ARPC1A: variants seen among roughly 807,000 people sequenced by gnomAD.
The protein encoded by ARPC1A is actin-related protein 2/3 complex subunit 1A.
Under a neutral mutation model 46.9 loss-of-function variants are expected in ARPC1A, and 8 were observed. The ratio of observed to expected loss-of-function variants is 0.17; its 90% CI spans 0.10 to 0.31. The LOEUF is 0.31. Ranked by LOEUF, ARPC1A falls within the 10% of genes least tolerant of loss-of-function variation. The pLI is 1.00. For synonymous variants in ARPC1A, 152 were observed against 169.0 expected, an observed-to-expected ratio of 0.90 and a Z score of 0.78; for missense variants, 286 against 483.6, an observed-to-expected ratio of 0.59 and a Z score of 3.83.
chr7:99,365,238 G>A (rs1793815550), intron 9 of ARPC1A, among the ~76,000 whole-genome samples: 2 of 151,926 alleles, frequency 1.3e-5, no homozygotes, highest in African/African-American at 4.8e-5. Context: ...ATCGCTTGAG[G>A]CCAGGAGTTT....
Position 99,325,908 on chromosome 7 carries a change from C to G in ARPC1A, c.-126C>G, listed in dbSNP as rs985919124. 1 of 152,608 alleles carries G rather than the reference C, an allele frequency of 6.6e-6. No individual in the cohort carries two copies. The highest frequency in any genetic ancestry group is 2.4e-5 in the African/African-American group (1 of 41,466). The allele number at this position is 152,608 out of a possible 1,614,324, so 9.5% of individuals were successfully genotyped here. A position where few individuals can be genotyped will look rare whatever the true frequency, so the allele number is the denominator to read the frequency against. On this transcript the variant is annotated 5_prime_UTR_variant, in exon 1 of 10. Transcript: ENST00000262942. ...TCTGTCAGCCGCTCCCTCTGGGCTT[C>G]CGTCCTCCGCCCGCGCCCGACGGAG... is the stretch of plus-strand genomic sequence containing the variant.
At chr7:99,363,720 G>C in intron 9 of ARPC1A, 87 bp downstream of exon 9, 1 of 999,658 alleles carries the variant, frequency 1.0e-6, no homozygotes, top group South Asian at 1.6e-5. Flanking sequence ...CTGTCACCCA[G>C]GTTGGAGTAA....
At chr7:99,345,931 G>A (rs557395720) in intron 4 of ARPC1A, among the ~76,000 whole-genome samples, 9 of 152,132 alleles carry the variant, frequency 5.9e-5, no homozygotes, top group Non-Finnish European at 8.8e-5. Flanking sequence ...ATTGAGTTAT[G>A]GGCCAGGTAC....
At chr7:99,333,457 T>C (rs750584703) in intron 2 of ARPC1A, 40 bp downstream of exon 2, 1 of 1,555,022 alleles carries the variant, frequency 6.4e-7, no homozygotes, top group Non-Finnish European at 8.8e-7. Flanking sequence ...TTTTGGTACC[T>C]TTGGTACATT....
At chr7:99,341,342 T>A (rs1286396724) in intron 3 of ARPC1A, among the ~76,000 whole-genome samples, 3 of 151,792 alleles carry the variant, frequency 2.0e-5, no homozygotes, top group Non-Finnish European at 4.4e-5. Flanking sequence ...GTGCAGTGGC[T>A]CAAGCCTGTA....
intron 4 of ARPC1A, among the ~76,000 whole-genome samples, chr7:99,344,972 C>T (rs1249616330): frequency 9.0e-6 from 1 of 111,624 alleles, no homozygotes; most frequent in Non-Finnish European, 1.7e-5. Context: ...TACTCTGTTG[C>T]CCAGGCTGGA....
intron 4 of ARPC1A, among the ~76,000 whole-genome samples, chr7:99,348,558 T>G (rs1584381431): frequency 6.6e-6 from 1 of 152,204 alleles, no homozygotes; most frequent in East Asian, 1.9e-4. Flanking sequence ...AATACAAAAA[T>G]TAGCCAGTCT....
At position 99,344,294 on chromosome 7, in the gene ARPC1A, T is replaced by C. The variant is rs1229733902; in HGVS notation, c.171T>C (p.Gly57=). ...ELKEHNGHIT[G]IDWAPKSDRI... ...AGATGACCCATGTCTCACTTGCAGG[T>C]ATTGACTGGGCTCCCAAGAGCGACC... The change falls in exon 4 of 10, where the codon GGT becomes GGC. Residue 57 remains glycine (G), a splice_region_variant and synonymous_variant. Coordinates refer to ENST00000262942, the MANE Select transcript of ARPC1A (RefSeq NM_006409.4). 1.9e-6 allele frequency: 3 copies of C among 1,613,956 alleles called. No homozygotes were observed. The Admixed American group carries it at 5.0e-5, about 27-fold the overall frequency.
At chr7:99,338,978 T>C (rs369021461) in intron 3 of ARPC1A, among the ~76,000 whole-genome samples, 1 of 152,172 alleles carries the variant, frequency 6.6e-6, no homozygotes, top group Non-Finnish European at 1.5e-5. Flanking sequence ...AGGAAGACTT[T>C]CCAGAATATT....
chr7:99,359,450 AAAAG>A (rs1793699671), intron 7 of ARPC1A, 91 bp from the exon 8 acceptor site: 2 of 1,282,688 alleles, frequency 1.6e-6, no homozygotes, highest in East Asian at 2.5e-5. Context: ...AAAAAAAAAA[AAAAG>A]AGTAAGAGAG....
chr7:99,342,536 C>A (rs1401121120), intron 3 of ARPC1A, among the ~76,000 whole-genome samples: 1 of 151,382 alleles, frequency 6.6e-6, no homozygotes, highest in Non-Finnish European at 1.5e-5. Context: ...TAAAGTGAGA[C>A]CCTGTCTCAA....
intron 4 of ARPC1A, 89 bp from the exon 5 acceptor site, chr7:99,348,763 A>C: frequency 3.5e-6 from 3 of 859,700 alleles, no homozygotes; most frequent in Non-Finnish European, 3.6e-6. Flanking sequence ...AGTGTGGCCT[A>C]CTTAGGTATT....
intron 6 of ARPC1A, among the ~76,000 whole-genome samples, chr7:99,357,643 A>C (rs1360223313): frequency 6.6e-6 from 1 of 152,052 alleles, no homozygotes; most frequent in African/African-American, 2.4e-5. Flanking sequence ...TCAGCTTTTG[A>C]ATGCATCGTT....
At chr7:99,361,848 T>C (rs1298606803) in intron 8 of ARPC1A, among the ~76,000 whole-genome samples, 1 of 152,210 alleles carries the variant, frequency 6.6e-6, no homozygotes, top group African/African-American at 2.4e-5. Flanking sequence ...ACTACTGAAC[T>C]CTGGTTGTGG....
rs113174237 is a variant in ARPC1A at position 99,366,003 on chromosome 7, G to T, written c.*74G>T. On this transcript the variant is annotated 3_prime_UTR_variant, in exon 10 of 10. Transcript: ENST00000262942. ...AGCTGTGCCGTGGCACGATGGCGAG[G>T]AAGCCAGCCCCAAGGAAACACTGAA... is the stretch of plus-strand genomic sequence containing the variant. 2.0e-6 allele frequency: 3 copies of T among 1,494,392 alleles called. No homozygotes were observed. The highest frequency in any genetic ancestry group is 1.4e-5 in the African/African-American group (1 of 72,006). The allele number at this position is 1,494,392 out of a possible 1,614,324, so 92.6% of individuals were successfully genotyped here.
Position 99,366,024 on chromosome 7 carries a change from C to A in ARPC1A, c.*95C>A. ...CGAGGAAGCCAGCCCCAAGGAAACA[C>A]TGAAAACACATATCACGCCAATGCC... is the stretch of plus-strand genomic sequence containing the variant. On this transcript the variant is annotated 3_prime_UTR_variant, in exon 10 of 10. Transcript: ENST00000262942. 1 of 1,414,526 alleles carries A rather than the reference C, an allele frequency of 7.1e-7. No individual in the cohort carries two copies. Among genetic ancestry groups the A allele is most frequent in the East Asian group, 2.5e-5 (1 of 40,226 alleles). 87.6% of individuals were successfully genotyped at this position (1,414,526 alleles called of 1,614,324 possible).
Position 99,353,949 on chromosome 7 carries a change from G to C in ARPC1A, c.541G>C (p.Ala181Pro), listed in dbSNP as rs952422659. The change falls in exon 6 of 10, where the codon GCC (alanine) becomes CCC (proline). Residue 181 changes from alanine to proline, a missense_variant. This residue lies in a region of ARPC1A where 182 missense variants were observed against 276.7 expected (regional missense o/e 0.66). Coordinates refer to ENST00000262942, the MANE Select transcript of ARPC1A (RefSeq NM_006409.4). ...CATTAAAGAAGTGGATGAAAAGCCA[G>C]CCAGCACGCCCTGGGGCAGCAAGAT... ...AYIKEVDEKP[A>P]STPWGSKMPF... The C allele has an allele frequency of 6.2e-7, 1 of 1,613,966 alleles. No homozygotes were observed. The highest frequency in any genetic ancestry group is 1.7e-5 in the Admixed American group (1 of 60,010).
At chr7:99,352,151 G>A (rs976806294) in intron 5 of ARPC1A, among the ~76,000 whole-genome samples, 9 of 152,138 alleles carry the variant, frequency 5.9e-5, no homozygotes, top group Non-Finnish European at 1.3e-4. Context: ...CATTGACTGC[G>A]CAGGCTTCCT....
At chr7:99,354,973 A>G (rs1047579254) in intron 6 of ARPC1A, among the ~76,000 whole-genome samples, 1 of 152,024 alleles carries the variant, frequency 6.6e-6, no homozygotes, top group South Asian at 2.1e-4. Flanking sequence ...AATTAGCTGG[A>G]CGTGGTGGCA....
Sources: allele counts gnomAD v4.1 joint callset (sites outside exome capture counted in the v4.1 genomes callset), GRCh38; gene constraint gnomAD v4.1.1; regional missense constraint gnomAD v4.1.1; transcripts MANE v1.5; gene names NCBI Gene and HGNC (gene_info 2026-07-23, HGNC 2026-07-21).